The following RAB27B variants were observed in gnomAD, a reference collection of about 807,000 sequenced individuals.
RAB27B encodes the protein ras-related protein Rab-27B.
RAB27B carries 15 observed loss-of-function variants against 24.6 expected under a neutral mutation model. The observed-to-expected ratio is 0.61, with a 90% CI of 0.41 to 0.94. The LOEUF is 0.94. RAB27B is among the 40% of genes least tolerant of loss of function. The pLI is 0.00. For synonymous variants in RAB27B, 105 were observed against 92.5 expected, an observed-to-expected ratio of 1.14 and a Z score of -0.78; for missense variants, 261 against 266.8, an observed-to-expected ratio of 0.98 and a Z score of 0.15.
At position 54,748,997 on chromosome 18, in the gene RAB27B, G is replaced by A. The variant is rs182380206; in HGVS notation, c.-20+30856G>A. ...TTATGGAAGGTGAGGGGCAGAACAC[G>A]GGTTGTCTTATTATGCAGGTAAAGT... On this transcript the variant is annotated intron_variant, in intron 2 of 4. Transcript: ENST00000586570. Among the ~76,000 whole-genome samples, 217 of 151,726 alleles carry A rather than the reference G, an allele frequency of 1.4e-3. 4 individuals are homozygous for A. In the South Asian group the frequency reaches 0.029, roughly 20 times the overall value.
chr18:54,818,691 A>G (rs961465058), intron 2 of RAB27B, among the ~76,000 whole-genome samples: 2 of 152,162 alleles, frequency 1.3e-5, no homozygotes, highest in African/African-American at 2.4e-5. Flanking sequence ...CCACTAAGAC[A>G]TGCATCTGAG....
chr18:54,771,761 T>C (rs778154546), intron 2 of RAB27B, among the ~76,000 whole-genome samples: 2 of 152,050 alleles, frequency 1.3e-5, no homozygotes, highest in South Asian at 2.1e-4. Flanking sequence ...TTTCTACTTA[T>C]AAAGAAGCCA....
chr18:54,837,267 A>G (rs2006776), intron 1 of RAB27B, among the ~76,000 whole-genome samples: 33,097 of 152,034 alleles, frequency 0.22, 4,007 homozygotes, highest in African/African-American at 0.32. Context: ...AAGGTCTGAA[A>G]TTGTAAAGTT....
chr18:54,884,565 C>T lies in RAB27B; in HGVS notation c.343+129C>T, dbSNP rs947360919. 3 of 599,478 alleles carry T rather than the reference C, an allele frequency of 5.0e-6. No individual in the cohort carries two copies. The African/African-American group carries it at 5.5e-5, about 11-fold the overall frequency. The allele number at this position is 599,478 out of a possible 1,614,324, so 37.1% of individuals were successfully genotyped here. A position where few individuals can be genotyped will look rare whatever the true frequency, so the allele number is the denominator to read the frequency against. Reference sequence around the variant, plus strand: ...TTTCAAAGTCATGAGTTTAGTGTTGCCTGTGCCACTGTGTCACCTTCAAAG... The same window carrying T: ...TTTCAAAGTCATGAGTTTAGTGTTGTCTGTGCCACTGTGTCACCTTCAAAG... On this transcript the variant is annotated intron_variant, in intron 4 of 5. Coordinates refer to ENST00000262094, the MANE Select transcript of RAB27B (RefSeq NM_004163.4).
intron 3 of RAB27B, among the ~76,000 whole-genome samples, chr18:54,883,319 A>G (rs1473281831): frequency 1.3e-5 from 2 of 152,162 alleles, no homozygotes; most frequent in Admixed American, 6.6e-5. Flanking sequence ...GTCAATGTAT[A>G]TAGAGTAAGA....
intron 1 of RAB27B, among the ~76,000 whole-genome samples, chr18:54,835,582 G>A (rs1293993097): frequency 6.6e-6 from 1 of 151,898 alleles, no homozygotes; most frequent in Non-Finnish European, 1.5e-5. Flanking sequence ...GGAAAAAATT[G>A]CTGTAACGAA....
intron 1 of RAB27B, among the ~76,000 whole-genome samples, chr18:54,863,489 TG>T (rs1218707188): frequency 3.9e-5 from 6 of 152,206 alleles, no homozygotes; most frequent in African/African-American, 1.4e-4. Context: ...CTTATCTTGT[TG>T]GGGTTTTTAA....
At chr18:54,850,337 T>TATATATATATATATATATAG (rs1568096233) in intron 1 of RAB27B, among the ~76,000 whole-genome samples, 2 of 105,576 alleles carry the variant, frequency 1.9e-5, no homozygotes, top group Non-Finnish European at 3.6e-5. Context: ...AAACAGGATA[T>TATATATATATATATATATAG]ATATATATAT....
At chr18:54,840,929 A>C (rs1911083209) in intron 1 of RAB27B, among the ~76,000 whole-genome samples, 1 of 152,028 alleles carries the variant, frequency 6.6e-6, no homozygotes. Flanking sequence ...CAGGCGGATC[A>C]TGAGGTCAGG....
chr18:54,786,012 C>T (rs539577952), intron 2 of RAB27B, among the ~76,000 whole-genome samples: 1 of 152,326 alleles, frequency 6.6e-6, no homozygotes, highest in South Asian at 2.1e-4. Context: ...CATTCTCTTT[C>T]CATGCTTTTA....
At chr18:54,735,685 T>A (rs1402844537) in intron 2 of RAB27B, among the ~76,000 whole-genome samples, 1 of 152,084 alleles carries the variant, frequency 6.6e-6, no homozygotes, top group African/African-American at 2.4e-5. Flanking sequence ...GTTAATTTTT[T>A]ATTTTTTTAT....
At chr18:54,887,213 G>A (rs950951759) in intron 4 of RAB27B, among the ~76,000 whole-genome samples, 3 of 151,392 alleles carry the variant, frequency 2.0e-5, no homozygotes, top group Non-Finnish European at 2.9e-5. Context: ...TCATCATTTC[G>A]GAGGTTAGAG....
chr18:54,883,591 C>G (rs1003082147), intron 3 of RAB27B, among the ~76,000 whole-genome samples: 1 of 151,932 alleles, frequency 6.6e-6, no homozygotes, highest in Non-Finnish European at 1.5e-5. Context: ...TGGCTGGGGT[C>G]GGGGGTGAGG....
At chr18:54,836,206 A>C (rs1027190600) in intron 1 of RAB27B, among the ~76,000 whole-genome samples, 2 of 151,950 alleles carry the variant, frequency 1.3e-5, no homozygotes, top group African/African-American at 4.9e-5. Context: ...TTGGAAAGTG[A>C]TTAAATGATA....
intron 1 of RAB27B, among the ~76,000 whole-genome samples, chr18:54,831,780 T>C (rs1173881788): frequency 6.6e-6 from 1 of 150,744 alleles, no homozygotes; most frequent in African/African-American, 2.5e-5. Context: ...ATTTTTTTTT[T>C]CTTTTTTTTT....
chr18:54,870,387 G>A (rs924650392), intron 1 of RAB27B, among the ~76,000 whole-genome samples: 1 of 152,130 alleles, frequency 6.6e-6, no homozygotes, highest in African/African-American at 2.4e-5. Context: ...ATCTACTCAT[G>A]TTAAAAGCAG....
At chr18:54,875,900 G>A (rs754772567) in intron 1 of RAB27B, among the ~76,000 whole-genome samples, 1 of 151,932 alleles carries the variant, frequency 6.6e-6, no homozygotes, top group African/African-American at 2.4e-5. Context: ...ACATGTACAT[G>A]TACCAATTTT....
At chr18:54,887,598 G>A (rs531825530) in intron 4 of RAB27B, among the ~76,000 whole-genome samples, 3 of 152,176 alleles carry the variant, frequency 2.0e-5, no homozygotes, top group Non-Finnish European at 2.9e-5. Context: ...TTTACTAAAT[G>A]TTTGGTGTTG....
chr18:54,862,502 G>T (rs923702467), intron 1 of RAB27B, among the ~76,000 whole-genome samples: 11 of 152,136 alleles, frequency 7.2e-5, no homozygotes, highest in South Asian at 2.1e-4. Context: ...TGCTGAAGGG[G>T]TTTACAGAGT....
Sources: gnomAD v4.1 joint callset for allele counts (sites outside exome capture counted in the v4.1 genomes callset) on GRCh38, gnomAD v4.1.1 for gene constraint, MANE v1.5 for transcripts, NCBI Gene and HGNC (gene_info 2026-07-23, HGNC 2026-07-21) for gene names.